Variants in BARD1 observed in about 807,000 individuals in gnomAD.
BARD1 encodes the protein BRCA1 associated RING domain 1, also known as BRCA1-associated RING domain protein 1.
In BARD1, 73 loss-of-function variants were observed where a neutral mutation model predicts 77.0. That is an observed-to-expected ratio of 0.95 (90% CI 0.79 to 1.15). BARD1 has a LOEUF of 1.15. Ranked by LOEUF, BARD1 falls within the 50% of genes most tolerant of loss-of-function variation. The pLI is 0.00. For synonymous variants in BARD1, 384 were observed against 338.0 expected, an observed-to-expected ratio of 1.14 and a Z score of -1.49; for missense variants, 993 against 938.8, an observed-to-expected ratio of 1.06 and a Z score of -0.75.
intron 4 of BARD1, among the ~76,000 whole-genome samples, chr2:214,770,743 G>C (rs1694443651): frequency 6.6e-6 from 1 of 152,072 alleles, no homozygotes. Context: ...AAAAAAAATA[G>C]CTTCCCTCTG....
chr2:214,786,527 T>A (rs2106122670), intron 3 of BARD1, among the ~76,000 whole-genome samples: 1 of 152,150 alleles, frequency 6.6e-6, no homozygotes, highest in South Asian at 2.1e-4. Flanking sequence ...AAAATATATT[T>A]ACCTGGTAAA....
At chr2:214,772,205 C>T (rs1694532738) in intron 4 of BARD1, among the ~76,000 whole-genome samples, 1 of 152,100 alleles carries the variant, frequency 6.6e-6, no homozygotes, top group Admixed American at 6.5e-5. Context: ...CAATCTCCTG[C>T]CTTAGCTTCC....
chr2:214,751,105 GTGTGTGTGTGTGTATATATATA>G (rs1355841383), intron 7 of BARD1, among the ~76,000 whole-genome samples: 14 of 9,986 alleles, frequency 1.4e-3, no homozygotes, highest in South Asian at 4.2e-3. Context: ...GTGTGTGTGT[GTGTGTGTGTGTGTATATATATA>G]TATATATATA....
intron 2 of BARD1, among the ~76,000 whole-genome samples, chr2:214,793,337 C>A (rs1695616543): frequency 6.6e-6 from 1 of 151,694 alleles, no homozygotes; most frequent in Non-Finnish European, 1.5e-5. Flanking sequence ...GAATGTAACT[C>A]AAAAAAAATT....
At chr2:214,765,606 A>G (rs1321770671) in intron 6 of BARD1, among the ~76,000 whole-genome samples, 1 of 152,226 alleles carries the variant, frequency 6.6e-6, no homozygotes, top group East Asian at 1.9e-4. Flanking sequence ...GAACCCTAGA[A>G]TGAAAACTAG....
chr2:214,762,226 T>C (rs1284845038), intron 6 of BARD1, among the ~76,000 whole-genome samples: 2 of 152,156 alleles, frequency 1.3e-5, no homozygotes, highest in Non-Finnish European at 2.9e-5. Flanking sequence ...TCAGGCTATG[T>C]GTATAAAATG....
At chr2:214,802,893 GT>G (rs1255327825) in intron 1 of BARD1, among the ~76,000 whole-genome samples, 2 of 152,172 alleles carry the variant, frequency 1.3e-5, no homozygotes, top group Non-Finnish European at 2.9e-5. Flanking sequence ...AAAGATCAGT[GT>G]GGGGAAAAGC....
At chr2:214,747,081 T>C (rs1300597447) in intron 7 of BARD1, among the ~76,000 whole-genome samples, 1 of 151,798 alleles carries the variant, frequency 6.6e-6, no homozygotes, top group Non-Finnish European at 1.5e-5. Context: ...AAGACATTTA[T>C]GCAGCCAAAA....
intron 10 of BARD1, 91 bp downstream of exon 10, chr2:214,730,320 T>C (rs1422836018): frequency 4.6e-6 from 5 of 1,076,544 alleles, no homozygotes; most frequent in Non-Finnish European, 5.7e-6. Flanking sequence ...CAGTCACCTG[T>C]AGCTGTTGAA....
At chr2:214,758,521 T>C (rs1416567086) in intron 6 of BARD1, among the ~76,000 whole-genome samples, 2 of 152,210 alleles carry the variant, frequency 1.3e-5, no homozygotes, top group African/African-American at 4.8e-5. Flanking sequence ...ATGTTTTTCA[T>C]GATAATCTGG....
chr2:214,745,300 C>T (rs1195293399), intron 8 of BARD1, 141 bp from the exon 9 acceptor site: 3 of 718,986 alleles, frequency 4.2e-6, no homozygotes, highest in East Asian at 2.7e-5. Flanking sequence ...AAGTGTAAGA[C>T]TACTTCTATT....
chr2:214,785,030 A>ATTCTC (rs1188426345), intron 3 of BARD1, among the ~76,000 whole-genome samples: 2 of 152,028 alleles, frequency 1.3e-5, no homozygotes, highest in African/African-American at 4.8e-5. Flanking sequence ...TTAAAAAAAA[A>ATTCTC]AAAAAGAAAG....
intron 4 of BARD1, among the ~76,000 whole-genome samples, chr2:214,769,598 G>A (rs972408661): frequency 2.0e-5 from 3 of 152,094 alleles, no homozygotes; most frequent in East Asian, 1.9e-4. Context: ...AAAACTAGTC[G>A]GGCATGGTGG....
At position 214,762,903 on chromosome 2, in the gene BARD1, T is replaced by C. The variant is rs111426091; in HGVS notation, c.1568+4579A>G. ...CACCCCACCCCCCTCCCACCACTACTGTCACTACTTTGATTTGACTCTCAT... is the reference window on the plus strand; with the variant it reads ...CACCCCACCCCCCTCCCACCACTACCGTCACTACTTTGATTTGACTCTCAT... On this transcript the variant is annotated intron_variant, in intron 6 of 10. Transcript: ENST00000260947. 1.5e-3 allele frequency among the ~76,000 whole-genome samples: 186 copies of C among 124,686 alleles called. 1 individual carries two copies. The highest frequency in any genetic ancestry group is 5.3e-3 in the African/African-American group (172 of 32,184). 81.8% of individuals were successfully genotyped at this position (124,686 alleles called of 152,430 possible).
rs1365623733 is a variant in BARD1 at position 214,797,170 on chromosome 2, C to T, written c.159-53G>A. ...ATTTGAGTCATTGTTAGATAAACATCTCACACCCAATATTTCATCCAAGGC... is the reference window on the plus strand; with the variant it reads ...ATTTGAGTCATTGTTAGATAAACATTTCACACCCAATATTTCATCCAAGGC... On this transcript the variant is annotated intron_variant, in intron 1 of 10. Transcript: ENST00000260947. 5.8e-6 allele frequency: 8 copies of T among 1,385,794 alleles called. No individual in the cohort carries two copies. The Admixed American group carries it at 1.3e-4, about 23-fold the overall frequency. The allele number at this position is 1,385,794 out of a possible 1,614,324, so 85.8% of individuals were successfully genotyped here. A position where few individuals can be genotyped will look rare whatever the true frequency, so the allele number is the denominator to read the frequency against.
Position 214,769,244 on chromosome 2 carries a change from T to C in BARD1, c.1383A>G (p.Gly461=), listed in dbSNP as rs148821907. Residue 461 remains glycine, a synonymous_variant, in exon 5 of 11, where the codon GGA becomes GGG. Transcript: ENST00000260947. ...ACCAGACAACTACCAATGGTGTCCA[T>C]CCAGCATGGTCTTTAACATTTGGAT... ...GSDPNVKDHA[G]WTPLHEACNH... is the part of the protein sequence containing the mutation. The C allele has an allele frequency of 2.5e-6, 4 of 1,612,198 alleles. No homozygotes were observed. The highest frequency in any genetic ancestry group is 1.1e-5 in the South Asian group (1 of 91,042).
rs370771157 is a variant in BARD1 at position 214,752,511 on chromosome 2, C to T, written c.1613G>A (p.Ser538Asn). ...LRPVDYTDDESMKSLLLLPEK... is the reference protein window; with the variant it reads ...LRPVDYTDDENMKSLLLLPEK... ...TGGTAGCAGCAATAGCGATTTCATA[C>T]TTTCATCATCTGTATAATCGACAGG... is the stretch of plus-strand genomic sequence containing the variant. The change falls in exon 7 of 11, where the codon AGT (serine) becomes AAT (asparagine). Residue 538 changes from serine to asparagine, a missense_variant. Coordinates refer to ENST00000260947, the MANE Select transcript of BARD1 (RefSeq NM_000465.4). The T allele has an allele frequency of 9.9e-5, 159 of 1,613,658 alleles. No individual in the cohort carries two copies. Among genetic ancestry groups the T allele is most frequent in the Non-Finnish European group, 1.3e-4 (148 of 1,179,818 alleles).
intron 9 of BARD1, among the ~76,000 whole-genome samples, chr2:214,738,392 C>T (rs1226676788): frequency 6.6e-6 from 1 of 152,124 alleles, no homozygotes; most frequent in African/African-American, 2.4e-5. Context: ...TCTACCTTAG[C>T]AAAGCCTGGA....
At chr2:214,802,823 T>C (rs1235551849) in intron 1 of BARD1, among the ~76,000 whole-genome samples, 1 of 152,248 alleles carries the variant, frequency 6.6e-6, no homozygotes, top group African/African-American at 2.4e-5. Context: ...AAAATTCAGC[T>C]ACTCTACTTT....
Sources: gnomAD v4.1 joint callset for allele counts (sites outside exome capture counted in the v4.1 genomes callset) on GRCh38, gnomAD v4.1.1 for gene constraint, MANE v1.5 for transcripts, NCBI Gene and HGNC (gene_info 2026-07-23, HGNC 2026-07-21) for gene names.